The following HEATR5A variants were observed in gnomAD, a reference collection of about 807,000 sequenced individuals.
The protein encoded by HEATR5A is HEAT repeat-containing protein 5A.
Under a neutral mutation model 218.8 loss-of-function variants are expected in HEATR5A, and 178 were observed. That is an observed-to-expected ratio of 0.81 (90% CI 0.72 to 0.92). The LOEUF (loss-of-function observed/expected upper bound fraction) is 0.92. HEATR5A is among the 40% of genes least tolerant of loss of function. The probability of loss-of-function intolerance (pLI) is 0.00; values close to 1 mark genes in which losing one functional copy is unlikely to be tolerated. For synonymous variants in HEATR5A, 864 were observed against 871.6 expected (o/e 0.99, Z 0.15); for missense variants, 2,420 against 2,418.9 (o/e 1.00, Z -0.01).
chr14:31,381,844 A>G (rs891675470), intron 10 of HEATR5A, among the ~76,000 whole-genome samples: 2 of 152,226 alleles, frequency 1.3e-5, no homozygotes, highest in Non-Finnish European at 2.9e-5. Flanking sequence ...TTTCACATTT[A>G]TGGATAATGT....
intron 21 of HEATR5A, among the ~76,000 whole-genome samples, chr14:31,340,892 C>T (rs143188593): frequency 6.6e-6 from 1 of 152,130 alleles, no homozygotes; most frequent in African/African-American, 2.4e-5. Flanking sequence ...TATAGTTTAA[C>T]TCTTAGAAGC....
intron 19 of HEATR5A, 54 bp from the exon 20 acceptor site, chr14:31,345,330 AAAAT>A (rs1900985155): frequency 7.6e-7 from 1 of 1,315,794 alleles, no homozygotes; most frequent in East Asian, 2.5e-5. Flanking sequence ...TAAGAAACAT[AAAAT>A]AAATTAACTT....
At chr14:31,301,808 CTTTTTTTTT>C (rs35947008) in intron 33 of HEATR5A, among the ~76,000 whole-genome samples, 3 of 82,500 alleles carry the variant, frequency 3.6e-5, no homozygotes, top group African/African-American at 1.6e-4. Context: ...ACACAGCTTT[CTTTTTTTTT>C]TTTTTTTTTT....
In HEATR5A at chr14:31,403,061, G is replaced by GA. The variant is rs2030935780; in HGVS notation, c.-74-13dup. On this transcript the variant is annotated splice_polypyrimidine_tract_variant and intron_variant, in intron 1 of 35. Coordinates refer to ENST00000543095, the MANE Select transcript of HEATR5A (RefSeq NM_015473.4). ...CTAACAATAAAAATCTGCAATACAG[G>GA]AAAATAATGTATTTTAAAAGGGGGG... 8.3e-7 allele frequency: 1 copy of GA among 1,207,982 alleles called. No individual in the cohort carries two copies. The highest frequency in any genetic ancestry group is 1.1e-6 in the Non-Finnish European group (1 of 898,404). 74.8% of individuals were successfully genotyped at this position (1,207,982 alleles called of 1,614,324 possible).
Position 31,358,998 on chromosome 14 carries a change from C to G in HEATR5A, c.2131G>C (p.Val711Leu), listed in dbSNP as rs1197524319. Residue 711 changes from valine (V) to leucine (L), a missense_variant, in exon 15 of 36, where the codon GTG (valine) becomes CTG (leucine). Coordinates refer to ENST00000543095, the MANE Select transcript of HEATR5A (RefSeq NM_015473.4). Reference protein sequence around the residue: ...AADLTAPDIQVAASTFLLPPL... With the variant: ...AADLTAPDIQLAASTFLLPPL... ...GGAAGTAAAAATGTAGATGCTGCCACCTGAATATCAGGGGCAGTCAAGTCA... is the reference window on the plus strand; with the variant it reads ...GGAAGTAAAAATGTAGATGCTGCCAGCTGAATATCAGGGGCAGTCAAGTCA... 16 of 1,588,824 alleles carry G rather than the reference C, an allele frequency of 1.0e-5. No individual in the cohort carries two copies. Among genetic ancestry groups the G allele is most frequent in the Non-Finnish European group, 1.4e-5 (16 of 1,174,296 alleles).
chr14:31,303,003 T>G (rs1413947251), intron 32 of HEATR5A, among the ~76,000 whole-genome samples: 1 of 147,214 alleles, frequency 6.8e-6, no homozygotes, highest in African/African-American at 2.5e-5. Context: ...TCCCAGCTAC[T>G]CAGGAGGCTG....
rs549913056 is a variant in HEATR5A at position 31,311,503 on chromosome 14, C to G, written c.4441+1465G>C. ...GATAGCTGCCTGCAGCCTCCAACTC[C>G]TGGGCTCATGAGATCTTCCCACATC... On this transcript the variant is annotated intron_variant, in intron 28 of 35. Transcript: ENST00000543095. Among the ~76,000 whole-genome samples, 21 of 152,036 alleles carry G rather than the reference C, an allele frequency of 1.4e-4. No individual in the cohort carries two copies. The East Asian group carries it at 3.5e-3, about 25-fold the overall frequency.
In HEATR5A at chr14:31,315,765, C is replaced by A. The variant is rs767369876; in HGVS notation, c.4218+5G>T. ...AATTCCAGTTACAAATTAAGAAATA[C>A]CAACCTCTGCCCAGGCTTTAAGCAC... On this transcript the variant is annotated splice_donor_5th_base_variant and intron_variant, in intron 27 of 35. Transcript: ENST00000543095. The A allele has an allele frequency of 6.4e-7, 1 of 1,560,942 alleles. No homozygotes were observed.
chr14:31,305,114 C>A lies in HEATR5A; in HGVS notation c.5030G>T (p.Gly1677Val), dbSNP rs764826410. 1 of 1,613,974 alleles carries A rather than the reference C, an allele frequency of 6.2e-7. No individual in the cohort carries two copies. Among genetic ancestry groups the A allele is most frequent in the South Asian group, 1.1e-5 (1 of 91,074 alleles). The change falls in exon 32 of 36, where the codon GGA becomes GTA. Residue 1677 changes from glycine to valine, a missense_variant. Coordinates refer to ENST00000543095, the MANE Select transcript of HEATR5A (RefSeq NM_015473.4). ...GACCAAAGACTTTCCAGGCACAAGTCCTCCGGTGTCCTTTCCCTCTCCAAA... is the reference window on the plus strand; with the variant it reads ...GACCAAAGACTTTCCAGGCACAAGTACTCCGGTGTCCTTTCCCTCTCCAAA... ...PEFGEGKDTGGLVPGKSLVFA... is the reference protein window; with the variant it reads ...PEFGEGKDTGVLVPGKSLVFA...
At chr14:31,308,871 T>C (rs1227828189) in intron 29 of HEATR5A, 63 bp downstream of exon 29, 58 of 1,363,594 alleles carry the variant, frequency 4.3e-5, no homozygotes, top group Middle Eastern at 2.4e-4. Flanking sequence ...CAAAACTCCA[T>C]CTCAAAAAAA....
intron 25 of HEATR5A, among the ~76,000 whole-genome samples, chr14:31,319,406 G>A (rs1900015616): frequency 6.6e-6 from 1 of 151,908 alleles, no homozygotes; most frequent in South Asian, 2.1e-4. Context: ...GCCTACCTCG[G>A]CCTCCCAAAG....
chr14:31,366,433 A>G (rs916384677), intron 13 of HEATR5A, among the ~76,000 whole-genome samples: 1 of 152,226 alleles, frequency 6.6e-6, no homozygotes, highest in African/African-American at 2.4e-5. Context: ...AGGAAATTAT[A>G]TTTCTAAAAA....
intron 22 of HEATR5A, among the ~76,000 whole-genome samples, chr14:31,335,339 A>T (rs1221891364): frequency 6.6e-6 from 1 of 152,094 alleles, no homozygotes; most frequent in Non-Finnish European, 1.5e-5. Context: ...TTCAAGTTGA[A>T]GCAAAAGTTT....
intron 1 of HEATR5A, among the ~76,000 whole-genome samples, chr14:31,407,580 TTATTTATATATATATATATATA>T (rs1470950343): frequency 1.5e-4 from 23 of 149,302 alleles, no homozygotes; most frequent in African/African-American, 5.8e-4. Context: ...ATCACTTATT[TTATTTATATATATATATATATA>T]TATATATATA....
intron 4 of HEATR5A, among the ~76,000 whole-genome samples, chr14:31,396,508 C>T (rs996503892): frequency 2.0e-5 from 3 of 152,144 alleles, no homozygotes; most frequent in Non-Finnish European, 4.4e-5. Context: ...TGCCTCAAAT[C>T]ATATCTATAT....
chr14:31,341,145 T>C (rs1352424324), intron 21 of HEATR5A, among the ~76,000 whole-genome samples: 1 of 152,178 alleles, frequency 6.6e-6, no homozygotes, highest in African/African-American at 2.4e-5. Context: ...GTGATAATTT[T>C]TGACTATGAT....
intron 5 of HEATR5A, 144 bp from the exon 6 acceptor site, chr14:31,394,370 G>A (rs746667951): frequency 3.1e-5 from 15 of 479,326 alleles, no homozygotes; most frequent in Non-Finnish European, 4.3e-5. Context: ...ATAATAAATG[G>A]ATACTTATTA....
chr14:31,320,372 G>T, intron 25 of HEATR5A: 3 of 936,336 alleles, frequency 3.2e-6, no homozygotes, highest in Non-Finnish European at 5.3e-6. Flanking sequence ...GCCAAACACC[G>T]CTCCAATGCC....
At chr14:31,326,906 A>G (rs1900286817) in intron 22 of HEATR5A, among the ~76,000 whole-genome samples, 1 of 151,954 alleles carries the variant, frequency 6.6e-6, no homozygotes, top group African/African-American at 2.4e-5. Flanking sequence ...CAGCCTCCCA[A>G]AGTGCTGAGA....
Sources: gnomAD v4.1 joint callset for allele counts (sites outside exome capture counted in the v4.1 genomes callset) on GRCh38, gnomAD v4.1.1 for gene constraint, MANE v1.5 for transcripts, NCBI Gene and HGNC (gene_info 2026-07-23, HGNC 2026-07-21) for gene names.